The following NR2C2 variants were observed in gnomAD, a reference collection of about 807,000 sequenced individuals.
The protein encoded by NR2C2 is nuclear receptor subfamily 2 group C member 2.
A neutral mutation model predicts 62.9 loss-of-function variants in NR2C2; 6 were observed. That is an observed-to-expected ratio of 0.10 (90% CI 0.05 to 0.19). The LOEUF (loss-of-function observed/expected upper bound fraction) is 0.19. Ranked by LOEUF, NR2C2 falls within the 10% of genes least tolerant of loss-of-function variation. The pLI, the probability that NR2C2 is intolerant of heterozygous loss-of-function variation, is 1.00. For missense variants in NR2C2, 479 were observed against 762.7 expected (o/e 0.63, Z 4.38); for synonymous variants, 272 against 273.8 (o/e 0.99, Z 0.07).
chr3:14,969,826 T>C (rs1430241960), intron 1 of NR2C2, among the ~76,000 whole-genome samples: 1 of 152,156 alleles, frequency 6.6e-6, no homozygotes, highest in Non-Finnish European at 1.5e-5. Flanking sequence ...AGGATTTACA[T>C]CATTATTGCA....
At chr3:14,991,596 T>A (rs1317164522) in intron 1 of NR2C2, among the ~76,000 whole-genome samples, 1 of 152,124 alleles carries the variant, frequency 6.6e-6, no homozygotes, top group Non-Finnish European at 1.5e-5. Flanking sequence ...TGCACAATGT[T>A]TTTTCACAGA....
At chr3:15,036,738 G>A (rs2042113507) in intron 11 of NR2C2, among the ~76,000 whole-genome samples, 1 of 152,204 alleles carries the variant, frequency 6.6e-6, no homozygotes, top group African/African-American at 2.4e-5. Context: ...CATTCCAGGT[G>A]TTTGATATCT....
chr3:15,039,135 GACCAGC>G lies in NR2C2; in HGVS notation c.1527_1532del (p.Thr511_Ser512del). On this transcript the variant is annotated inframe_deletion, in exon 13 of 14. Transcript: ENST00000425241. ...TTCTGTTTTCAGATCATCCAGGTTT[GACCAGC>G]ACAAGCCAGATTGAAAAATTCCAAG... is the stretch of plus-strand genomic sequence containing the variant. 6.2e-7 allele frequency: 1 copy of G among 1,613,192 alleles called. No individual in the cohort carries two copies. The highest frequency in any genetic ancestry group is 8.5e-7 in the Non-Finnish European group (1 of 1,179,420).
At chr3:15,034,605 G>A in intron 10 of NR2C2, 65 bp from the exon 11 acceptor site, 1 of 1,548,960 alleles carries the variant, frequency 6.5e-7, no homozygotes, top group South Asian at 1.2e-5. Flanking sequence ...TTAGTGCCTG[G>A]ATGCCCCACA....
chr3:14,947,812 G>A lies in NR2C2; in HGVS notation c.-134G>A, dbSNP rs1559518938. On this transcript the variant is annotated 5_prime_UTR_variant, in exon 1 of 14. Transcript: ENST00000425241. ...GGCTCCCGCCATCCGCCGACACCGG[G>A]AGCCCGGGCTCCCCGCGCCCTGCCC... is the stretch of plus-strand genomic sequence containing the variant. 6.7e-6 allele frequency: 1 copy of A among 148,916 alleles called. No individual in the cohort carries two copies. The highest frequency in any genetic ancestry group is 1.5e-5 in the Non-Finnish European group (1 of 66,782). The allele number at this position is 148,916 out of a possible 1,614,324, so 9.2% of individuals were successfully genotyped here.
intron 1 of NR2C2, among the ~76,000 whole-genome samples, chr3:14,968,036 T>A (rs2039910801): frequency 6.6e-6 from 1 of 152,156 alleles, no homozygotes; most frequent in Admixed American, 6.5e-5. Context: ...ATAAAAACCC[T>A]AGAATAAAAC....
At chr3:14,985,460 G>A (rs2040489380) in intron 1 of NR2C2, among the ~76,000 whole-genome samples, 1 of 152,058 alleles carries the variant, frequency 6.6e-6, no homozygotes, top group Admixed American at 6.5e-5. Context: ...AATGTAATCA[G>A]AGGATCTGAT....
chr3:15,028,549 G>C lies in NR2C2; in HGVS notation c.799-37G>C. 1.9e-6 allele frequency: 3 copies of C among 1,596,608 alleles called. No homozygotes were observed. In the South Asian group the frequency reaches 3.3e-5, roughly 18 times the overall value. ...TGGCCTGAGAGTCATTTGCGTATCT[G>C]TGTTCATTTTTAATGTCAGTATTTT... On this transcript the variant is annotated intron_variant, in intron 7 of 13. Coordinates refer to ENST00000425241, the MANE Select transcript of NR2C2 (RefSeq NM_001291694.2).
chr3:14,967,761 A>C (rs2039898844), intron 1 of NR2C2, among the ~76,000 whole-genome samples: 1 of 152,220 alleles, frequency 6.6e-6, no homozygotes, highest in Non-Finnish European at 1.5e-5. Flanking sequence ...CAGTAACCAA[A>C]ACAGCATGGT....
chr3:14,987,713 C>A (rs2040549326), intron 1 of NR2C2, among the ~76,000 whole-genome samples: 1 of 152,152 alleles, frequency 6.6e-6, no homozygotes, highest in Non-Finnish European at 1.5e-5. Context: ...AAGACCAGAA[C>A]TTTATTTCAT....
At chr3:14,975,556 T>G (rs1371756434) in intron 1 of NR2C2, among the ~76,000 whole-genome samples, 1 of 152,244 alleles carries the variant, frequency 6.6e-6, no homozygotes, top group Non-Finnish European at 1.5e-5. Flanking sequence ...TTGCATTTCT[T>G]GGACAAACCT....
chr3:14,984,704 G>T (rs1429828636), intron 1 of NR2C2, among the ~76,000 whole-genome samples: 1 of 152,112 alleles, frequency 6.6e-6, no homozygotes, highest in Non-Finnish European at 1.5e-5. Flanking sequence ...TGGACATTTG[G>T]GTTACTTCCA....
intron 1 of NR2C2, among the ~76,000 whole-genome samples, chr3:14,984,116 G>A (rs953801546): frequency 6.6e-6 from 1 of 151,990 alleles, no homozygotes; most frequent in Non-Finnish European, 1.5e-5. Flanking sequence ...TCGAACTCCC[G>A]ACCTCAGGTG....
chr3:15,040,464 C>T (rs2042226273), intron 13 of NR2C2, among the ~76,000 whole-genome samples: 1 of 152,228 alleles, frequency 6.6e-6, no homozygotes, highest in Non-Finnish European at 1.5e-5. Flanking sequence ...CTGCACAGAC[C>T]TCAGTCTCCA....
At chr3:14,950,846 G>A (rs2039334916) in intron 1 of NR2C2, among the ~76,000 whole-genome samples, 1 of 152,184 alleles carries the variant, frequency 6.6e-6, no homozygotes, top group South Asian at 2.1e-4. Context: ...TACATTGATG[G>A]ATACCTTTTG....
At chr3:15,032,312 TG>T in intron 9 of NR2C2, 66 bp from the exon 10 acceptor site, 4 of 1,607,558 alleles carry the variant, frequency 2.5e-6, no homozygotes, top group Non-Finnish European at 3.4e-6. Flanking sequence ...CAGGGATACA[TG>T]TTGACAGACA....
rs770340370 is a variant in NR2C2, at chr3:15,045,715, T to C, written c.*2707T>C. The C allele has an allele frequency of 3.9e-5, 6 of 152,660 alleles. No individual in the cohort carries two copies. Among genetic ancestry groups the C allele is most frequent in the Non-Finnish European group, 5.9e-5 (4 of 68,046 alleles). The allele number at this position is 152,660 out of a possible 1,614,324, so 9.5% of individuals were successfully genotyped here. A position where few individuals can be genotyped will look rare whatever the true frequency, so the allele number is the denominator to read the frequency against. Reference sequence around the variant, plus strand: ...ACTTAAAGAGATGCAAACCAAATATTTGGGCTCCAACTTTCACAGGGCTTA... The same window carrying C: ...ACTTAAAGAGATGCAAACCAAATATCTGGGCTCCAACTTTCACAGGGCTTA... On this transcript the variant is annotated 3_prime_UTR_variant, in exon 14 of 14. Transcript: ENST00000425241.
At chr3:15,022,953 T>C (rs1257720864) in intron 5 of NR2C2, among the ~76,000 whole-genome samples, 1 of 152,210 alleles carries the variant, frequency 6.6e-6, no homozygotes, top group Non-Finnish European at 1.5e-5. Flanking sequence ...ACATAGGTGC[T>C]GTGCTGCAGT....
intron 1 of NR2C2, among the ~76,000 whole-genome samples, chr3:14,974,373 C>T (rs2040140660): frequency 6.6e-6 from 1 of 152,200 alleles, no homozygotes; most frequent in South Asian, 2.1e-4. Context: ...TGTTCAGGGT[C>T]CCTTGAGATT....
Sources: allele counts gnomAD v4.1 joint callset (sites outside exome capture counted in the v4.1 genomes callset), GRCh38; gene constraint gnomAD v4.1.1; transcripts MANE v1.5; gene names NCBI Gene and HGNC (gene_info 2026-07-23, HGNC 2026-07-21).